ANK3: variants seen among roughly 807,000 people sequenced by gnomAD.
The protein encoded by ANK3 is ankyrin-3.
ANK3 carries 57 observed loss-of-function variants against 370.9 expected under a neutral mutation model. That is an observed-to-expected ratio of 0.15 (90% CI 0.12 to 0.19). ANK3 has a LOEUF of 0.19. ANK3 is among the 10% of genes least tolerant of loss of function. The pLI, the probability that ANK3 is intolerant of heterozygous loss-of-function variation, is 1.00. For synonymous variants in ANK3, 1,929 were observed against 1,946.3 expected (o/e 0.99, Z 0.23); for missense variants, 4,439 against 5,302.1 (o/e 0.84, Z 5.06).
In ANK3 at chr10:60,071,222, T is replaced by C. The variant is rs1357610340; in HGVS notation, c.9659A>G (p.Gln3220Arg). 1.9e-6 allele frequency: 3 copies of C among 1,614,186 alleles called. No individual in the cohort carries two copies. Among genetic ancestry groups the C allele is most frequent in the Non-Finnish European group, 2.5e-6 (3 of 1,180,018 alleles). ...EEQAKSTSLK[Q>R]TTVEETAVER... ...AACTGCTGTTTCCTCCACTGTAGTC[T>C]GCTTAAGGGAGGTTGACTTGGCCTG... Residue 3220 changes from glutamine (Q) to arginine (R), a missense_variant, in exon 37 of 44, where the codon CAG (glutamine) becomes CGG (arginine). Around this residue, in one of 13 missense-constraint regions of ANK3, gnomAD observed 1,601 missense variants for 1,731.7 expected, o/e 0.92. Transcript: ENST00000280772.
intron 29 of ANK3, among the ~76,000 whole-genome samples, chr10:60,087,181 G>A (rs946323740): frequency 6.6e-5 from 10 of 152,072 alleles, no homozygotes; most frequent in African/African-American, 2.4e-4. Context: ...TCTTAGTCTA[G>A]TCCAGATTAA....
chr10:60,381,311 G>A (rs554082555), intron 1 of ANK3, among the ~76,000 whole-genome samples: 3 of 152,144 alleles, frequency 2.0e-5, no homozygotes, highest in East Asian at 1.9e-4. Context: ...TGTACATAGG[G>A]TTCTTAAGCT....
intron 1 of ANK3, among the ~76,000 whole-genome samples, chr10:60,317,880 AT>A (rs575461856): frequency 1.3e-5 from 2 of 151,480 alleles, no homozygotes; most frequent in Non-Finnish European, 2.9e-5. Context: ...TGCCCAGCTA[AT>A]TTTTTTTGTA....
intron 27 of ANK3, chr10:60,108,156 G>T: frequency 2.4e-6 from 1 of 412,512 alleles, no homozygotes; most frequent in Non-Finnish European, 4.8e-6. Context: ...AAAAATTGTA[G>T]ACATTCTGTA....
chr10:60,379,852 G>A (rs2061322066), intron 1 of ANK3, among the ~76,000 whole-genome samples: 1 of 151,978 alleles, frequency 6.6e-6, no homozygotes, highest in Non-Finnish European at 1.5e-5. Context: ...ATAGGTAGAT[G>A]GATGATATCG....
intron 28 of ANK3, among the ~76,000 whole-genome samples, chr10:60,104,394 AAACAAAGAAAG>A (rs2091871551): frequency 3.2e-5 from 3 of 93,414 alleles, no homozygotes; most frequent in African/African-American, 9.6e-5. Context: ...AAAAAAAAAG[AAACAAAGAAAG>A]AAAGAAAAGA....
At chr10:60,493,294 T>C (rs1470755363) in intron 2 of ANK3, among the ~76,000 whole-genome samples, 1 of 151,974 alleles carries the variant, frequency 6.6e-6, no homozygotes, top group Non-Finnish European at 1.5e-5. Flanking sequence ...GTTCTCTTAG[T>C]AAATGTGAAG....
Position 60,263,822 on chromosome 10 carries a change from C to A in ANK3, c.699+13G>T. The A allele has an allele frequency of 1.2e-6, 2 of 1,613,128 alleles. No homozygotes were observed. Among genetic ancestry groups the A allele is most frequent in the South Asian group, 2.2e-5 (2 of 91,024 alleles). On this transcript the variant is annotated intron_variant, in intron 6 of 43. Transcript: ENST00000280772. Reference sequence around the variant, plus strand: ...GAGAGTTGCATGACAGGCCCGTGTCCCTCGTGCCTCACCTTTGATTCCACA... The same window carrying A: ...GAGAGTTGCATGACAGGCCCGTGTCACTCGTGCCTCACCTTTGATTCCACA...
At chr10:60,196,504 C>T (rs568453012) in intron 15 of ANK3, 23 bp downstream of exon 15, 25 of 1,523,810 alleles carry the variant, frequency 1.6e-5, no homozygotes, top group Non-Finnish European at 2.2e-5. Flanking sequence ...TGGCCTGCTT[C>T]AGGGTGGCTG....
chr10:60,573,357 A>T (rs2077640818), intron 2 of ANK3, among the ~76,000 whole-genome samples: 1 of 152,116 alleles, frequency 6.6e-6, no homozygotes, highest in Non-Finnish European at 1.5e-5. Flanking sequence ...TCCTTCCATG[A>T]ATATACCAAC....
intron 1 of ANK3, among the ~76,000 whole-genome samples, chr10:60,332,685 A>G (rs1430155078): frequency 6.6e-6 from 1 of 152,206 alleles, no homozygotes; most frequent in Non-Finnish European, 1.5e-5. Context: ...AAAGGCCAAA[A>G]ATAAATATAT....
At chr10:60,068,352 T>C (rs554932760) in intron 37 of ANK3, among the ~76,000 whole-genome samples, 1 of 152,104 alleles carries the variant, frequency 6.6e-6, no homozygotes. Flanking sequence ...CATTAGCACA[T>C]TAAAAAAGAA....
chr10:60,186,235 C>A (rs1386030751), intron 17 of ANK3, among the ~76,000 whole-genome samples: 1 of 151,576 alleles, frequency 6.6e-6, no homozygotes, highest in African/African-American at 2.4e-5. Flanking sequence ...TATGTTACTA[C>A]AAAAACTTCC....
chr10:60,381,740 C>T (rs1484600553), intron 1 of ANK3, among the ~76,000 whole-genome samples: 1 of 152,122 alleles, frequency 6.6e-6, no homozygotes, highest in Non-Finnish European at 1.5e-5. Context: ...CATTTATTTG[C>T]AGTATCTCTA....
At chr10:60,081,390 C>T (rs1011950668) in intron 35 of ANK3, 1 of 299,856 alleles carries the variant, frequency 3.3e-6, no homozygotes, top group Non-Finnish European at 6.6e-6. Flanking sequence ...GCCACCACGC[C>T]TGGCCAGAGG....
Position 60,074,530 on chromosome 10 carries a change from T to A in ANK3, c.6351A>T (p.Gln2117His). 1 of 1,613,780 alleles carries A rather than the reference T, an allele frequency of 6.2e-7. No individual in the cohort carries two copies. Among genetic ancestry groups the A allele is most frequent in the Admixed American group, 1.7e-5 (1 of 59,970 alleles). The part of the protein sequence containing the change: ...TILESPDDFS[Q>H]HDQDKSPLSD... ...ACAAGGGACTTTTATCTTGGTCGTG[T>A]TGAGAAAAGTCATCAGGAGACTCTA... is the stretch of plus-strand genomic sequence containing the variant. The change falls in exon 37 of 44, where the codon CAA becomes CAT. Residue 2117 changes from glutamine to histidine, a missense_variant. This residue lies in a region of ANK3 where 679 missense variants were observed against 791.0 expected (regional missense o/e 0.86). Coordinates refer to ENST00000280772, the MANE Select transcript of ANK3 (RefSeq NM_020987.5).
In ANK3 at chr10:60,684,681, T is replaced by C. The variant is rs1247484431; in HGVS notation, c.57+48582A>G. On this transcript the variant is annotated intron_variant, in intron 1 of 43. Coordinates refer to the ANK3 transcript ENST00000373827. Reference sequence around the variant, plus strand: ...CCAAAGCATTTAACACTGAGAAAATTAAGGTAAACTTGAGAAATTCTAAAA... The same window carrying C: ...CCAAAGCATTTAACACTGAGAAAATCAAGGTAAACTTGAGAAATTCTAAAA... The C allele has an allele frequency of 3.8e-6, 6 of 1,587,992 alleles. No homozygotes were observed. The East Asian group carries it at 1.1e-4, about 30-fold the overall frequency.
intron 38 of ANK3, among the ~76,000 whole-genome samples, chr10:60,064,655 C>A (rs1442122744): frequency 2.4e-5 from 3 of 126,672 alleles, no homozygotes; most frequent in Non-Finnish European, 5.3e-5. Flanking sequence ...GGCAAAACCC[C>A]GGTCTCCATA....
chr10:60,577,683 GGT>G (rs2077700068), intron 2 of ANK3, among the ~76,000 whole-genome samples: 1 of 152,118 alleles, frequency 6.6e-6, no homozygotes, highest in Non-Finnish European at 1.5e-5. Flanking sequence ...CCCAGTCTCA[GGT>G]GTGTCTTTAT....
Sources: gnomAD v4.1 joint callset for allele counts (sites outside exome capture counted in the v4.1 genomes callset) on GRCh38, gnomAD v4.1.1 for gene constraint, gnomAD v4.1.1 regional missense constraint, MANE v1.5 for transcripts, NCBI Gene and HGNC (gene_info 2026-07-23, HGNC 2026-07-21) for gene names.